Variants in ALK observed in about 807,000 individuals in gnomAD.
The protein encoded by ALK is ALK receptor tyrosine kinase.
Under a neutral mutation model 163.1 loss-of-function variants are expected in ALK, and 74 were observed. The ratio of observed to expected loss-of-function variants is 0.45; its 90% CI spans 0.38 to 0.55. The LOEUF (loss-of-function observed/expected upper bound fraction) is 0.55. Ranked by LOEUF, ALK falls within the 20% of genes least tolerant of loss-of-function variation. The pLI is 0.00. For missense variants in ALK, 2,063 were observed against 2,105.3 expected (o/e 0.98, Z 0.39); for synonymous variants, 960 against 843.2 (o/e 1.14, Z -2.40).
chr2:29,586,170 T>C (rs1674881686), intron 3 of ALK, among the ~76,000 whole-genome samples: 1 of 152,152 alleles, frequency 6.6e-6, no homozygotes, highest in Non-Finnish European at 1.5e-5. Flanking sequence ...CTTTTATTAA[T>C]CTTTTTTAAG....
rs532039532 is a variant in ALK at position 29,414,278 on chromosome 2, T to C, written c.1155-30419A>G. ...TAATGAAAGGAGTTAAATTGGATGATCTCTAGGATCTCTTACAGTTCTGAA... is the reference window on the plus strand; with the variant it reads ...TAATGAAAGGAGTTAAATTGGATGACCTCTAGGATCTCTTACAGTTCTGAA... On this transcript the variant is annotated intron_variant, in intron 4 of 28. Coordinates refer to ENST00000389048, the MANE Select transcript of ALK (RefSeq NM_004304.5). 7.2e-5 allele frequency among the ~76,000 whole-genome samples: 11 copies of C among 152,308 alleles called. No individual in the cohort carries two copies. In the South Asian group the frequency reaches 2.3e-3, roughly 32 times the overall value.
chr2:29,537,209 TA>T (rs957023080), intron 3 of ALK, among the ~76,000 whole-genome samples: 2 of 151,672 alleles, frequency 1.3e-5, no homozygotes, highest in Admixed American at 6.6e-5. Flanking sequence ...TCCAAGACAA[TA>T]AAAAAAAGAT....
chr2:29,400,642 C>T (rs1345179194), intron 4 of ALK, among the ~76,000 whole-genome samples: 2 of 152,180 alleles, frequency 1.3e-5, no homozygotes, highest in African/African-American at 4.8e-5. Context: ...TTTTCCCAGC[C>T]TGAGTGCTGC....
At chr2:29,660,913 C>A (rs1282623270) in intron 3 of ALK, among the ~76,000 whole-genome samples, 2 of 152,100 alleles carry the variant, frequency 1.3e-5, no homozygotes, top group Non-Finnish European at 2.9e-5. Context: ...AAGAAGGAGA[C>A]CACACAATGC....
intron 4 of ALK, among the ~76,000 whole-genome samples, chr2:29,459,677 T>A (rs1444240637): frequency 6.6e-6 from 1 of 152,040 alleles, no homozygotes; most frequent in Non-Finnish European, 1.5e-5. Context: ...TATAAATGAA[T>A]AGCCATCTTG....
chr2:29,207,026 G>A, intron 26 of ALK, 145 bp downstream of exon 26: 1 of 711,492 alleles, frequency 1.4e-6, no homozygotes, highest in Non-Finnish European at 2.6e-6. Flanking sequence ...GCTCACGTTT[G>A]AGAACCACTG....
chr2:29,633,764 G>A lies in ALK; in HGVS notation c.952+61086C>T, dbSNP rs114610985. On this transcript the variant is annotated intron_variant, in intron 3 of 28. Coordinates refer to ENST00000389048, the MANE Select transcript of ALK (RefSeq NM_004304.5). ...TATGGAGCATTCAACCATCAAAAGC[G>A]TAATAAGGGAATACTACAAACAATT... Among the ~76,000 whole-genome samples, 904 of 152,060 alleles carry A rather than the reference G, an allele frequency of 5.9e-3. 9 individuals are homozygous for A. The highest frequency in any genetic ancestry group is 0.019 in the African/African-American group (799 of 41,488).
At chr2:29,231,527 G>A (rs551962743) in intron 15 of ALK, among the ~76,000 whole-genome samples, 10 of 152,228 alleles carry the variant, frequency 6.6e-5, no homozygotes, top group African/African-American at 1.9e-4. Context: ...AGGGTTTCTC[G>A]GGTGCTGGGC....
intron 5 of ALK, among the ~76,000 whole-genome samples, chr2:29,353,572 G>A (rs566364311): frequency 1.3e-5 from 2 of 152,174 alleles, no homozygotes; most frequent in Non-Finnish European, 2.9e-5. Flanking sequence ...AATTTACAAG[G>A]TGGTGTTGGA....
At chr2:29,693,922 A>G (rs1232402891) in intron 3 of ALK, among the ~76,000 whole-genome samples, 2 of 152,202 alleles carry the variant, frequency 1.3e-5, no homozygotes, top group Non-Finnish European at 2.9e-5. Flanking sequence ...TGCCTCTCTC[A>G]TTGAAATCCA....
chr2:29,193,227 G>C lies in ALK; in HGVS notation c.4860C>G (p.Pro1620=), dbSNP rs2148136879. Residue 1620 remains proline, a synonymous_variant, in exon 29 of 29, where the codon CCC becomes CCG. Coordinates refer to ENST00000389048, the MANE Select transcript of ALK (RefSeq NM_004304.5). ...AGAAGTGAGTGTGCGACCGAGCTCA[G>C]GGCCCAGGCTGGTTCATGCTATTCT... ...KSKNSMNQPG[P] The C allele has an allele frequency of 6.2e-7, 1 of 1,613,980 alleles. No individual in the cohort carries two copies. The highest frequency in any genetic ancestry group is 8.5e-7 in the Non-Finnish European group (1 of 1,179,978).
chr2:29,402,718 G>A (rs1262186859), intron 4 of ALK, among the ~76,000 whole-genome samples: 1 of 152,114 alleles, frequency 6.6e-6, no homozygotes, highest in Non-Finnish European at 1.5e-5. Flanking sequence ...TAGGACAATG[G>A]TGGTACCTTG....
chr2:29,670,600 C>T (rs764933968), intron 3 of ALK, among the ~76,000 whole-genome samples: 12 of 152,026 alleles, frequency 7.9e-5, no homozygotes, highest in Non-Finnish European at 1.6e-4. Context: ...CTTTATGCCC[C>T]TTGCTCTTCC....
At chr2:29,430,488 A>G (rs1334106856) in intron 4 of ALK, among the ~76,000 whole-genome samples, 1 of 152,194 alleles carries the variant, frequency 6.6e-6, no homozygotes, top group Admixed American at 6.5e-5. Flanking sequence ...CAGCTTTGCC[A>G]TGGTAGCATA....
chr2:29,264,802 A>G (rs1665174214), intron 11 of ALK, among the ~76,000 whole-genome samples: 1 of 152,180 alleles, frequency 6.6e-6, no homozygotes, highest in Non-Finnish European at 1.5e-5. Context: ...AATGTTTAAG[A>G]TGGACAAACC....
intron 1 of ALK, among the ~76,000 whole-genome samples, chr2:29,823,872 T>C (rs1326879783): frequency 1.3e-5 from 2 of 152,178 alleles, no homozygotes; most frequent in African/African-American, 4.8e-5. Context: ...GCATAAGTAA[T>C]AAGGAGTTGC....
chr2:29,599,272 A>G (rs1313453155), intron 3 of ALK, among the ~76,000 whole-genome samples: 1 of 152,182 alleles, frequency 6.6e-6, no homozygotes, highest in African/African-American at 2.4e-5. Flanking sequence ...CATCCTTAGT[A>G]TAAGGCACAA....
rs755215506 is a variant in ALK, at chr2:29,328,307, A to G, written c.1414+43T>C. 84 of 1,613,694 alleles carry G rather than the reference A, an allele frequency of 5.2e-5. No individual in the cohort carries two copies. In the Admixed American group the frequency reaches 1.4e-3, roughly 27 times the overall value. Reference sequence around the variant, plus strand: ...TAATGGGGACAACGGGGTTATGAGCATGGGCTGGGCTCAGGCAGGGTGGGG... The same window carrying G: ...TAATGGGGACAACGGGGTTATGAGCGTGGGCTGGGCTCAGGCAGGGTGGGG... On this transcript the variant is annotated intron_variant, in intron 6 of 28. Transcript: ENST00000389048.
chr2:29,430,308 G>A (rs1322962766), intron 4 of ALK, among the ~76,000 whole-genome samples: 3 of 152,166 alleles, frequency 2.0e-5, no homozygotes, highest in African/African-American at 4.8e-5. Flanking sequence ...TATCTGATGA[G>A]ACTTGTATCT....
Sources: gnomAD v4.1 joint callset for allele counts (sites outside exome capture counted in the v4.1 genomes callset) on GRCh38, gnomAD v4.1.1 for gene constraint, MANE v1.5 for transcripts, NCBI Gene and HGNC (gene_info 2026-07-23, HGNC 2026-07-21) for gene names.